GOLGA3: variants seen among roughly 807,000 people sequenced by gnomAD.
GOLGA3 encodes the protein golgin subfamily A member 3.
A neutral mutation model predicts 169.4 loss-of-function variants in GOLGA3; 75 were observed. That is an observed-to-expected ratio of 0.44 (90% CI 0.37 to 0.54). GOLGA3 has a LOEUF of 0.54. GOLGA3 is among the 20% of genes least tolerant of loss of function. GOLGA3 has a pLI of 0.00. For synonymous variants in GOLGA3, 824 were observed against 822.4 expected (o/e 1.00, Z -0.03); for missense variants, 1,899 against 1,930.0 (o/e 0.98, Z 0.30).
Position 132,777,910 on chromosome 12 carries a change from G to C in GOLGA3, c.3583-105C>G, listed in dbSNP as rs1196655387. The C allele has an allele frequency of 7.9e-7, 1 of 1,264,860 alleles. No individual in the cohort carries two copies. The allele number at this position is 1,264,860 out of a possible 1,614,324, so 78.4% of individuals were successfully genotyped here. A position where few individuals can be genotyped will look rare whatever the true frequency, so the allele number is the denominator to read the frequency against. ...GCACTCCCGGCCCCGTGCATGTCCTGGCTGCCGGCGTGTGCTTCTCCACAG... is the reference window on the plus strand; with the variant it reads ...GCACTCCCGGCCCCGTGCATGTCCTCGCTGCCGGCGTGTGCTTCTCCACAG... On this transcript the variant is annotated intron_variant, in intron 18 of 23. Coordinates refer to ENST00000450791, the MANE Select transcript of GOLGA3 (RefSeq NM_001389683.1). This position sits in a 1 kb window ranked among gnomAD's most constrained non-coding sequence, Gnocchi z 4.7.
In GOLGA3 at chr12:132,772,400, C is replaced by T. The variant is rs2044936886; in HGVS notation, c.*705G>A. 1 of 152,070 alleles carries T rather than the reference C, an allele frequency of 6.6e-6. No homozygotes were observed. Among genetic ancestry groups the T allele is most frequent in the Non-Finnish European group, 1.5e-5 (1 of 68,052 alleles). The allele number at this position is 152,070 out of a possible 1,614,324, so 9.4% of individuals were successfully genotyped here. A position where few individuals can be genotyped will look rare whatever the true frequency, so the allele number is the denominator to read the frequency against. On this transcript the variant is annotated 3_prime_UTR_variant, in exon 24 of 24. Transcript: ENST00000450791. The stretch of plus-strand genomic sequence containing the variant: ...TGCTACTAAAAATACAAACATTAGC[C>T]TGGCATAGTGGCGCACGCCTGTAAT...
intron 18 of GOLGA3, among the ~76,000 whole-genome samples, chr12:132,780,119 G>A (rs1331376561): frequency 4.3e-4 from 10 of 23,486 alleles, no homozygotes; most frequent in South Asian, 1.9e-3. Context: ...AGCCCCCCGC[G>A]TGCACACACC....
intron 2 of GOLGA3, among the ~76,000 whole-genome samples, chr12:132,819,951 G>A (rs547593956): frequency 6.6e-6 from 1 of 152,222 alleles, no homozygotes; most frequent in African/African-American, 2.4e-5. Context: ...AGGCCAAGGT[G>A]GGGGGATCAC....
chr12:132,769,993 G>A lies in GOLGA3; in HGVS notation c.*3112C>T, dbSNP rs1367635393. ...TTCACGCCTATAATTCCAGCACTTT[G>A]GGAGGCTGAGGCTCAGGATCACCTG... is the stretch of plus-strand genomic sequence containing the variant. On this transcript the variant is annotated 3_prime_UTR_variant, in exon 24 of 24. Transcript: ENST00000450791. The A allele has an allele frequency of 2.6e-5, 4 of 152,292 alleles. No individual in the cohort carries two copies. In the East Asian group the frequency reaches 7.7e-4, roughly 29 times the overall value. The allele number at this position is 152,292 out of a possible 1,614,324, so 9.4% of individuals were successfully genotyped here.
At chr12:132,773,436 C>T in intron 23 of GOLGA3, 142 bp from the exon 24 acceptor site, 2 of 435,086 alleles carry the variant, frequency 4.6e-6, no homozygotes, top group South Asian at 1.1e-4. Context: ...ACCACAGAAG[C>T]TCAGCTGTTC....
chr12:132,806,065 C>T (rs1949383222), intron 6 of GOLGA3, among the ~76,000 whole-genome samples: 1 of 152,184 alleles, frequency 6.6e-6, no homozygotes, highest in Non-Finnish European at 1.5e-5. Context: ...CACCACCTGC[C>T]CCCACGCTGA....
Position 132,786,325 on chromosome 12 carries a change from A to G in GOLGA3, c.3123+14T>C, listed in dbSNP as rs758984650. ...GCTGGTGACCCTGGCCGGGGATGGC[A>G]CGGTGTTACCTACATGTAGAGCCAG... On this transcript the variant is annotated intron_variant, in intron 15 of 23. Coordinates refer to ENST00000450791, the MANE Select transcript of GOLGA3 (RefSeq NM_001389683.1). 6.4e-7 allele frequency: 1 copy of G among 1,553,810 alleles called. No individual in the cohort carries two copies. The highest frequency in any genetic ancestry group is 8.8e-7 in the Non-Finnish European group (1 of 1,139,394).
chr12:132,809,186 T>G (rs191989966), intron 4 of GOLGA3, among the ~76,000 whole-genome samples: 51 of 152,324 alleles, frequency 3.3e-4, no homozygotes, highest in African/African-American at 1.0e-3. Context: ...CCATTATTTC[T>G]GCATATCAGG....
chr12:132,824,559 T>G (rs1213218801), intron 1 of GOLGA3, among the ~76,000 whole-genome samples: 1 of 152,300 alleles, frequency 6.6e-6, no homozygotes, highest in East Asian at 1.9e-4. Context: ...ATGTCTTGAC[T>G]CAGGGTGCCT....
intron 13 of GOLGA3, 30 bp from the exon 14 acceptor site, chr12:132,786,817 G>A (rs375853400): frequency 1.0e-5 from 15 of 1,433,528 alleles, no homozygotes; most frequent in South Asian, 2.3e-5. Context: ...CGTGAGGAGC[G>A]GCACTGCCAC....
At position 132,777,422 on chromosome 12, in the gene GOLGA3, G is replaced by A. The variant is rs1025257110; in HGVS notation, c.3722+244C>T. On this transcript the variant is annotated intron_variant, in intron 19 of 23. Transcript: ENST00000450791. This position sits in a 1 kb window ranked among gnomAD's most constrained non-coding sequence, Gnocchi z 4.7. ...GCCCCGCGCCGGGCCGCCCCTTCCC[G>A]CCTCTGACCTGAAGCTAAGTACTCC... Among the ~76,000 whole-genome samples, 3 of 152,016 alleles carry A rather than the reference G, an allele frequency of 2.0e-5. No homozygotes were observed. The highest frequency in any genetic ancestry group is 7.2e-5 in the African/African-American group (3 of 41,400).
chr12:132,808,014 G>C lies in GOLGA3; in HGVS notation c.1055C>G (p.Ala352Gly). ...PYMVNGQEIP[A>G]DTLGQFPSIK... ...GGAGGGGAACTGGCCCAGGGTATCC[G>C]CAGGAATCTCCTGGCCGTTGACCAT... Residue 352 changes from alanine (A) to glycine (G), a missense_variant, in exon 5 of 24, where the codon GCG becomes GGG. By Grantham distance (60) the Ala-to-Gly change is moderately conservative. Coordinates refer to ENST00000450791, the MANE Select transcript of GOLGA3 (RefSeq NM_001389683.1). The C allele has an allele frequency of 6.2e-7, 1 of 1,610,924 alleles. No individual in the cohort carries two copies. Among genetic ancestry groups the C allele is most frequent in the Admixed American group, 1.7e-5 (1 of 59,578 alleles).
At chr12:132,809,979 TCA>T (rs1366378511) in intron 4 of GOLGA3, among the ~76,000 whole-genome samples, 1 of 152,128 alleles carries the variant, frequency 6.6e-6, no homozygotes, top group African/African-American at 2.4e-5. Flanking sequence ...GCGTGGTGGT[TCA>T]CACCTGTAAT....
rs779074486 is a variant in GOLGA3, at chr12:132,816,567, T to C, written c.379A>G (p.Ser127Gly). ...RKEALQSLRLSLPMQETQLCS... is the reference protein window; with the variant it reads ...RKEALQSLRLGLPMQETQLCS... ...AGTTGCGTTTCTTGCATAGGAAGAC[T>C]GAGTCTGAGAGACTGCAAAGCTTCT... Residue 127 changes from serine (S) to glycine (G), a missense_variant, in exon 3 of 24, where the codon AGT (serine) becomes GGT (glycine). By Grantham distance (56) the Ser-to-Gly change is moderately conservative. Coordinates refer to ENST00000450791, the MANE Select transcript of GOLGA3 (RefSeq NM_001389683.1). 1 of 1,613,670 alleles carries C rather than the reference T, an allele frequency of 6.2e-7. No homozygotes were observed. Among genetic ancestry groups the C allele is most frequent in the South Asian group, 1.1e-5 (1 of 91,090 alleles).
chr12:132,785,473 G>A (rs1369004196), intron 15 of GOLGA3, among the ~76,000 whole-genome samples: 9 of 152,036 alleles, frequency 5.9e-5, no homozygotes, highest in Admixed American at 2.6e-4. Flanking sequence ...ACCATGCCTG[G>A]GTTTTATTTT....
chr12:132,818,408 C>T (rs1950081526), intron 2 of GOLGA3, among the ~76,000 whole-genome samples: 1 of 152,120 alleles, frequency 6.6e-6, no homozygotes, highest in Non-Finnish European at 1.5e-5. Flanking sequence ...TACAGGTGCC[C>T]ACCACCACAC....
At position 132,808,600 on chromosome 12, in the gene GOLGA3, AT is replaced by A. The variant is rs779379856; in HGVS notation, c.520-52del. 3 of 1,441,986 alleles carry A rather than the reference AT, an allele frequency of 2.1e-6. No homozygotes were observed. In the East Asian group the frequency reaches 6.8e-5, roughly 33 times the overall value. 89.3% of individuals were successfully genotyped at this position (1,441,986 alleles called of 1,614,324 possible). ...ATTACATTTAAAATCCACAAGCAGC[AT>A]ACTTAAAACTGCCATTCAGAAAGGT... On this transcript the variant is annotated intron_variant, in intron 4 of 23. Transcript: ENST00000450791.
At chr12:132,807,151 T>C (rs1949447299) in intron 6 of GOLGA3, 26 bp downstream of exon 6, 2 of 1,384,582 alleles carry the variant, frequency 1.4e-6, no homozygotes, top group African/African-American at 1.4e-5. Flanking sequence ...CGCCGCACGC[T>C]GAGATGTCAG....
intron 13 of GOLGA3, 44 bp downstream of exon 13, chr12:132,788,983 G>T (rs1277620077): frequency 1.2e-6 from 1 of 823,474 alleles, no homozygotes; most frequent in Non-Finnish European, 1.6e-6. Flanking sequence ...AAGCACTTTG[G>T]CCGAATCCTC....
Sources: allele counts gnomAD v4.1 joint callset (sites outside exome capture counted in the v4.1 genomes callset), GRCh38; gene constraint gnomAD v4.1.1; non-coding constraint Gnocchi (gnomAD v3.1); transcripts MANE v1.5; gene names NCBI Gene and HGNC (gene_info 2026-07-23, HGNC 2026-07-21).